LRP8: variants seen among roughly 807,000 people sequenced by gnomAD.
The protein encoded by LRP8 is LDL receptor related protein 8.
A neutral mutation model predicts 111.6 loss-of-function variants in LRP8; 46 were observed. The observed-to-expected ratio is 0.41, with a 90% CI of 0.33 to 0.53. The LOEUF (loss-of-function observed/expected upper bound fraction) is 0.53. Among genes scored for constraint, LRP8 ranks in the 20% least tolerant of loss-of-function variants. The pLI is 0.20. For missense variants in LRP8, 959 were observed against 1,297.4 expected (o/e 0.74, Z 4.01); for synonymous variants, 464 against 511.2 (o/e 0.91, Z 1.24).
chr1:53,309,258 G>A (rs912471486), intron 2 of LRP8, among the ~76,000 whole-genome samples: 2 of 152,188 alleles, frequency 1.3e-5, no homozygotes, highest in African/African-American at 4.8e-5. Context: ...CTGGGCGACA[G>A]AGTGAGACTC....
chr1:53,258,741 A>T (rs1384350787), intron 13 of LRP8, among the ~76,000 whole-genome samples: 1 of 146,278 alleles, frequency 6.8e-6, no homozygotes, highest in Non-Finnish European at 1.5e-5. Flanking sequence ...CTAATGTGTA[A>T]TTTTTTTTTT....
chr1:53,315,530 C>T (rs1388099074), intron 2 of LRP8, among the ~76,000 whole-genome samples: 1 of 152,182 alleles, frequency 6.6e-6, no homozygotes, highest in Non-Finnish European at 1.5e-5. Context: ...TGCTTAGGGC[C>T]CCACATCTGG....
chr1:53,305,985 C>G (rs529907015), intron 2 of LRP8: 1 of 152,364 alleles, frequency 6.6e-6, no homozygotes, highest in South Asian at 2.1e-4. Context: ...ACATTCCTCA[C>G]TCTCTGGGAG....
chr1:53,283,304 C>G (rs115751373), intron 3 of LRP8, among the ~76,000 whole-genome samples: 4,350 of 151,572 alleles, frequency 0.029, 213 homozygotes, highest in African/African-American at 0.1. Flanking sequence ...GGACTTCCTA[C>G]CCTCCAGAAC....
intron 2 of LRP8, among the ~76,000 whole-genome samples, chr1:53,322,793 C>T (rs943509843): frequency 3.9e-5 from 6 of 152,144 alleles, no homozygotes; most frequent in African/African-American, 1.2e-4. Flanking sequence ...GGGCCAGATG[C>T]GGGCTACAGC....
intron 2 of LRP8, among the ~76,000 whole-genome samples, chr1:53,321,366 G>C (rs1352184474): frequency 6.6e-6 from 1 of 152,060 alleles, no homozygotes. Context: ...GCCTGGGGCT[G>C]CAAGGCCTGG....
At chr1:53,261,481 G>A (rs1169263505) in intron 12 of LRP8, among the ~76,000 whole-genome samples, 2 of 152,164 alleles carry the variant, frequency 1.3e-5, no homozygotes, top group Non-Finnish European at 2.9e-5. Flanking sequence ...GTTAGTTTTC[G>A]GGAAGAGGTG....
chr1:53,290,974 A>G (rs1478064909), intron 2 of LRP8, among the ~76,000 whole-genome samples: 3 of 152,114 alleles, frequency 2.0e-5, no homozygotes, highest in African/African-American at 7.2e-5. Context: ...GAACTCACAC[A>G]TGCCCTGTTC....
chr1:53,327,717 T>C, intron 1 of LRP8, 72 bp downstream of exon 1: 1 of 1,372,042 alleles, frequency 7.3e-7, no homozygotes, highest in Non-Finnish European at 9.5e-7. Context: ...CCCTCCCCGC[T>C]CCGGCCTCCC....
intron 2 of LRP8, among the ~76,000 whole-genome samples, chr1:53,323,746 C>T (rs1345545833): frequency 2.6e-5 from 4 of 152,360 alleles, no homozygotes; most frequent in Admixed American, 6.5e-5. Flanking sequence ...GTTTGAGTTC[C>T]AGCTCCAACC....
chr1:53,277,023 G>A lies in LRP8; in HGVS notation c.552C>T (p.Phe184=), dbSNP rs1646944960. 3 of 1,521,020 alleles carry A rather than the reference G, an allele frequency of 2.0e-6. No individual in the cohort carries two copies. Among genetic ancestry groups the A allele is most frequent in the African/African-American group, 1.4e-5 (1 of 71,210 alleles). The allele number at this position is 1,521,020 out of a possible 1,614,324, so 94.2% of individuals were successfully genotyped here. A position where few individuals can be genotyped will look rare whatever the true frequency, so the allele number is the denominator to read the frequency against. The change falls in exon 5 of 19, where the codon TTC becomes TTT. Residue 184 remains phenylalanine (F), a synonymous_variant. Coordinates refer to ENST00000306052, the MANE Select transcript of LRP8 (RefSeq NM_004631.5). The part of the protein sequence containing the change: ...CGNRSCLAAV[F]VCDGDDDCGD... ...CACAGTCGTCGTCGCCGTCGCACAC[G>A]AACACGGCGGCCAGGCACGAGCGGT...
Position 53,276,563 on chromosome 1 carries a change from C to T in LRP8, c.883+129G>A, listed in dbSNP as rs900426770. ...TCACCTCACTTCTCCCAGCCTCGGTCTCCTCTGTAGTAAACCCGGGTAATG... is the reference window on the plus strand; with the variant it reads ...TCACCTCACTTCTCCCAGCCTCGGTTTCCTCTGTAGTAAACCCGGGTAATG... On this transcript the variant is annotated intron_variant, in intron 5 of 18. Transcript: ENST00000306052. 441 of 675,604 alleles carry T rather than the reference C, an allele frequency of 6.5e-4. 1 individual carries two copies. Among genetic ancestry groups the T allele is most frequent in the South Asian group, 4.1e-3 (131 of 31,932 alleles). The allele number at this position is 675,604 out of a possible 1,614,324, so 41.9% of individuals were successfully genotyped here.
rs112188391 is a variant in LRP8 at position 53,327,936 on chromosome 1, C to T, written c.-24G>A. 1.5e-3 allele frequency: 1,678 copies of T among 1,156,144 alleles called. 16 individuals are homozygous for T. The African/African-American group carries it at 0.025, about 18-fold the overall frequency. The allele number at this position is 1,156,144 out of a possible 1,614,324, so 71.6% of individuals were successfully genotyped here. On this transcript the variant is annotated 5_prime_UTR_variant, in exon 1 of 19. Transcript: ENST00000306052. The stretch of plus-strand genomic sequence containing the variant: ...ATGGCGGGCCCGGGGCTCCGGCCGC[C>T]GCGCCCCGCGCTCCCCGCGCCGCCG...
intron 3 of LRP8, 76 bp downstream of exon 3, chr1:53,289,491 G>A (rs1281091686): frequency 4.6e-6 from 7 of 1,521,462 alleles, no homozygotes; most frequent in Non-Finnish European, 6.2e-6. Context: ...CCTCTCCTGA[G>A]CCTCACAGCC....
In LRP8 at chr1:53,276,964, G is replaced by C. The variant is rs1423194532; in HGVS notation, c.611C>G (p.Pro204Arg). The part of the protein sequence containing the change: ...DGSDERGCAD[P>R]ACGPREFRCG... ...GCGGAACTCGCGGGGCCCGCAGGCC[G>C]GGTCTGCACAGCCGCGCTCATCGCT... Residue 204 changes from proline to arginine, a missense_variant, in exon 5 of 19, where the codon CCG (proline) becomes CGG (arginine). Transcript: ENST00000306052. 4.0e-6 allele frequency: 6 copies of C among 1,486,556 alleles called. No homozygotes were observed. The highest frequency in any genetic ancestry group is 1.8e-6 in the Non-Finnish European group (2 of 1,122,168). 92.1% of individuals were successfully genotyped at this position (1,486,556 alleles called of 1,614,324 possible).
chr1:53,260,721 G>T, intron 12 of LRP8, 116 bp from the exon 13 acceptor site: 1 of 1,029,424 alleles, frequency 9.7e-7, no homozygotes, highest in Non-Finnish European at 1.4e-6. Context: ...CCCCTGATCT[G>T]TCCTGTCTAT....
intron 2 of LRP8, among the ~76,000 whole-genome samples, chr1:53,314,908 C>T (rs1410868096): frequency 6.6e-6 from 1 of 152,202 alleles, no homozygotes; most frequent in Non-Finnish European, 1.5e-5. Context: ...TCCTCTGTCA[C>T]CCTTCTCCAT....
chr1:53,265,303 A>G (rs1478317221), intron 9 of LRP8, among the ~76,000 whole-genome samples: 1 of 152,180 alleles, frequency 6.6e-6, no homozygotes, highest in Non-Finnish European at 1.5e-5. Context: ...CAGCTCTCTT[A>G]CGATCCAGAC....
rs371141805 is a variant in LRP8, at chr1:53,324,878, G to A, written c.244+1995C>T. Among the ~76,000 whole-genome samples the A allele has an allele frequency of 1.5e-3, 233 of 152,318 alleles. 1 individual carries two copies. The highest frequency in any genetic ancestry group is 5.4e-3 in the African/African-American group (224 of 41,548). On this transcript the variant is annotated intron_variant, in intron 2 of 18. Coordinates refer to ENST00000306052, the MANE Select transcript of LRP8 (RefSeq NM_004631.5). ...CAGACAGTGCCCTGAACTCGAGGCA[G>A]GCAGAGATCCTGACCAAGTTCTGTC...
Sources: gnomAD v4.1 joint callset for allele counts (sites outside exome capture counted in the v4.1 genomes callset) on GRCh38, gnomAD v4.1.1 for gene constraint, MANE v1.5 for transcripts, NCBI Gene and HGNC (gene_info 2026-07-23, HGNC 2026-07-21) for gene names.